The following HDAC9 variants were observed in gnomAD, a reference collection of about 807,000 sequenced individuals.
HDAC9 encodes MEF-2 interacting transcription repressor (MITR) protein.
HDAC9 carries 41 observed loss-of-function variants against 139.4 expected under a neutral mutation model. The observed-to-expected ratio is 0.29, with a 90% CI of 0.23 to 0.38. The LOEUF (loss-of-function observed/expected upper bound fraction) is 0.38, where lower values mean the gene tolerates loss of function less well. Among genes scored for constraint, HDAC9 ranks in the 10% least tolerant of loss-of-function variants. The pLI is 1.00. For synonymous variants in HDAC9, 517 were observed against 476.2 expected, an observed-to-expected ratio of 1.09 and a Z score of -1.12; for missense variants, 1,147 against 1,297.0, an observed-to-expected ratio of 0.88 and a Z score of 1.78.
intron 2 of HDAC9, among the ~76,000 whole-genome samples, chr7:18,227,029 G>A (rs761218542): frequency 2.0e-5 from 3 of 152,192 alleles, no homozygotes; most frequent in East Asian, 1.9e-4. Context: ...GGGAGGGGAC[G>A]TGTAGATTAG....
chr7:18,272,531 C>T (rs915976183), intron 2 of HDAC9, among the ~76,000 whole-genome samples: 62 of 152,044 alleles, frequency 4.1e-4, no homozygotes, highest in African/African-American at 1.4e-3. Context: ...GATATATTTC[C>T]ACAGTTACAA....
intron 1 of HDAC9, among the ~76,000 whole-genome samples, chr7:18,130,561 T>G (rs1178372): frequency 6.6e-6 from 1 of 152,022 alleles, no homozygotes; most frequent in Non-Finnish European, 1.5e-5. Context: ...GCATACAATT[T>G]AGTGGTCGTT....
Position 18,275,577 on chromosome 7 carries a change from T to C in HDAC9, c.25+113228T>C, listed in dbSNP as rs62449118. On this transcript the variant is annotated intron_variant, in intron 2 of 12. Transcript: ENST00000417496. ...CTGTCTCACTTCATTCTTTTAACTC[T>C]CCCCTTCGTTGAATTGCTGTGGTTG... Among the ~76,000 whole-genome samples, 1,501 of 152,304 alleles carry C rather than the reference T, an allele frequency of 9.9e-3. 15 individuals are homozygous for C. The highest frequency in any genetic ancestry group is 0.015 in the Non-Finnish European group (1,041 of 68,026).
chr7:18,967,334 G>C (rs768326205), intron 24 of HDAC9, among the ~76,000 whole-genome samples: 9 of 152,110 alleles, frequency 5.9e-5, no homozygotes. Flanking sequence ...AAGTTCAGGA[G>C]TGACGTAATA....
At chr7:18,668,641 G>A in intron 12 of HDAC9, 1 of 983,530 alleles carries the variant, frequency 1.0e-6, no homozygotes, top group South Asian at 4.7e-5. Flanking sequence ...AAACTACCTG[G>A]AACCAGTGAA....
At chr7:18,275,356 C>A (rs576215264) in intron 2 of HDAC9, among the ~76,000 whole-genome samples, 8 of 152,184 alleles carry the variant, frequency 5.3e-5, no homozygotes, top group Non-Finnish European at 7.3e-5. Context: ...TAATTGGCCT[C>A]TCAGCTTTCA....
intron 2 of HDAC9, among the ~76,000 whole-genome samples, chr7:18,276,633 C>T (rs900489173): frequency 1.3e-5 from 2 of 152,142 alleles, no homozygotes; most frequent in Admixed American, 1.3e-4. Flanking sequence ...CTCTAGAGGG[C>T]ATAGGCTTTA....
chr7:18,950,383 ATGAGTTATCAC>A (rs1004671411), intron 23 of HDAC9, among the ~76,000 whole-genome samples: 4 of 152,248 alleles, frequency 2.6e-5, no homozygotes, highest in African/African-American at 9.6e-5. Flanking sequence ...AGAAAACAAA[ATGAGTTATCAC>A]TGCTGTTCTA....
chr7:18,602,093 G>A (rs1055770363), intron 6 of HDAC9, among the ~76,000 whole-genome samples: 1 of 152,064 alleles, frequency 6.6e-6, no homozygotes, highest in African/African-American at 2.4e-5. Context: ...TGGACCTGGT[G>A]CTTTCCTTTT....
At chr7:18,152,691 A>G (rs1164460851) in intron 1 of HDAC9, among the ~76,000 whole-genome samples, 3 of 152,210 alleles carry the variant, frequency 2.0e-5, no homozygotes, top group Non-Finnish European at 2.9e-5. Flanking sequence ...CTGAACATTC[A>G]TAGCAAGCAC....
intron 23 of HDAC9, chr7:18,948,811 C>G (rs1049540306): frequency 5.6e-6 from 1 of 177,814 alleles, no homozygotes; most frequent in Admixed American, 6.3e-5. Flanking sequence ...AAATTTCTCA[C>G]TCTGCATTAC....
At chr7:18,617,720 C>T (rs1839044160) in intron 6 of HDAC9, among the ~76,000 whole-genome samples, 1 of 152,046 alleles carries the variant, frequency 6.6e-6, no homozygotes, top group South Asian at 2.1e-4. Flanking sequence ...TATCTTTAGC[C>T]TATTTATTAT....
At chr7:18,286,469 T>C (rs1797462470), upstream of HDAC9, among the ~76,000 whole-genome samples, 5 of 150,464 alleles carry the variant, frequency 3.3e-5, no homozygotes, top group South Asian at 1.0e-3. Context: ...GGTCTTATTA[T>C]GTATGATATT....
chr7:18,948,657 A>G (rs1782573156), intron 23 of HDAC9, among the ~76,000 whole-genome samples: 1 of 152,096 alleles, frequency 6.6e-6, no homozygotes, highest in Non-Finnish European at 1.5e-5. Context: ...TCTGACCACT[A>G]CTATACTATA....
At chr7:18,954,317 T>C in intron 24 of HDAC9, 87 bp downstream of exon 24, 1 of 971,156 alleles carries the variant, frequency 1.0e-6, no homozygotes. Context: ...GAAACATTTA[T>C]TTAGAGTTAT....
rs551961843 is a variant in HDAC9 at position 18,516,816 on chromosome 7, G to A, written c.22+20492G>A. Among the ~76,000 whole-genome samples the A allele has an allele frequency of 7.5e-5, 11 of 146,926 alleles. No homozygotes were observed. In the East Asian group the frequency reaches 1.2e-3, roughly 16 times the overall value. Reference sequence around the variant, plus strand: ...GCAGAGGTTGCAGTAAGCCGAGATCGTGCCATTGCACTCCAGCCTGGGTGA... The same window carrying A: ...GCAGAGGTTGCAGTAAGCCGAGATCATGCCATTGCACTCCAGCCTGGGTGA... On this transcript the variant is annotated intron_variant, in intron 2 of 25. Transcript: ENST00000686413.
chr7:18,778,191 G>A (rs539698359), intron 16 of HDAC9, among the ~76,000 whole-genome samples: 7 of 151,724 alleles, frequency 4.6e-5, no homozygotes, highest in East Asian at 3.9e-4. Flanking sequence ...AGCCCTAGCC[G>A]TAAGAAAAAA....
intron 1 of HDAC9, among the ~76,000 whole-genome samples, chr7:18,353,186 C>G (rs182837565): frequency 1.3e-5 from 2 of 152,198 alleles, no homozygotes; most frequent in South Asian, 2.1e-4. Context: ...TTCTTCAGCA[C>G]TATCTAGCTA....
At chr7:18,847,417 GA>G (rs543571800) in intron 21 of HDAC9, among the ~76,000 whole-genome samples, 114 of 151,398 alleles carry the variant, frequency 7.5e-4, no homozygotes, top group Non-Finnish European at 1.2e-3. Context: ...ATGATACACT[GA>G]AAAAAAAGAG....
Sources: allele counts gnomAD v4.1 joint callset (sites outside exome capture counted in the v4.1 genomes callset), GRCh38; gene constraint gnomAD v4.1.1; transcripts MANE v1.5; gene names NCBI Gene and HGNC (gene_info 2026-07-23, HGNC 2026-07-21).